DGKZ: variants seen among roughly 807,000 people sequenced by gnomAD.
The protein encoded by DGKZ is DAG kinase zeta.
Under a neutral mutation model 142.5 loss-of-function variants are expected in DGKZ, and 45 were observed. The observed-to-expected ratio is 0.32, with a 90% CI of 0.25 to 0.40. The LOEUF is 0.40. Among genes scored for constraint, DGKZ ranks in the 10% least tolerant of loss-of-function variants. The pLI, the probability that DGKZ is intolerant of heterozygous loss-of-function variation, is 1.00. For missense variants in DGKZ, 755 were observed against 1,306.5 expected (o/e 0.58, Z 6.51); for synonymous variants, 442 against 527.0 (o/e 0.84, Z 2.21).
intron 1 of DGKZ, chr11:46,366,967 C>G (rs1432051002): frequency 6.5e-7 from 1 of 1,532,106 alleles, no homozygotes; most frequent in African/African-American, 1.4e-5. Context: ...GACCCCAGGC[C>G]TGGAGCGCCC....
Position 46,379,247 on chromosome 11 carries a change from G to A in DGKZ, c.2573+11G>A. 1 of 1,613,074 alleles carries A rather than the reference G, an allele frequency of 6.2e-7. No individual in the cohort carries two copies. On this transcript the variant is annotated intron_variant, in intron 29 of 30. Transcript: ENST00000527911. ...TGCGGTGGAGGAAAAGTAAGTATCTGGGCAGTGCAGAACCGTGGTCACCCC... is the reference window on the plus strand; with the variant it reads ...TGCGGTGGAGGAAAAGTAAGTATCTAGGCAGTGCAGAACCGTGGTCACCCC...
In DGKZ at chr11:46,364,781, G is replaced by A. The variant is rs528090967; in HGVS notation, c.162-2510G>A. ...TCATCCTTCCTCCTGCCCAACATGC[G>A]TCCAGGGCATCACCCACCATGCCTA... On this transcript the variant is annotated intron_variant, in intron 1 of 30. Transcript: ENST00000527911. The A allele has an allele frequency of 4.2e-5, 41 of 985,412 alleles. No homozygotes were observed. In the East Asian group the frequency reaches 9.1e-4, roughly 22 times the overall value. 61.0% of individuals were successfully genotyped at this position (985,412 alleles called of 1,614,324 possible).
intron 16 of DGKZ, 22 bp downstream of exon 16, chr11:46,374,476 G>A (rs755081851): frequency 1.4e-5 from 23 of 1,613,850 alleles, no homozygotes; most frequent in East Asian, 6.7e-5. Context: ...CTGCACCCCC[G>A]CCTGTGCCCA....
chr11:46,370,320 G>A (rs1053781069), intron 6 of DGKZ, among the ~76,000 whole-genome samples: 2 of 152,372 alleles, frequency 1.3e-5, no homozygotes, highest in East Asian at 3.9e-4. Context: ...CTTGTGTGCC[G>A]AGCGCCAAGC....
rs748914085 is a variant in DGKZ, at chr11:46,374,387, G to A, written c.1406-12G>A. On this transcript the variant is annotated splice_polypyrimidine_tract_variant and intron_variant, in intron 15 of 30. Transcript: ENST00000527911. ...GGTGACTCACTGGCCCCCACTGCTT[G>A]TCTCCACCCAGAGGCCAACCCAGAG... is the stretch of plus-strand genomic sequence containing the variant. 3 of 1,614,010 alleles carry A rather than the reference G, an allele frequency of 1.9e-6. No individual in the cohort carries two copies. Among genetic ancestry groups the A allele is most frequent in the Non-Finnish European group, 1.7e-6 (2 of 1,180,022 alleles).
At chr11:46,375,829 G>A (rs778207302) in intron 20 of DGKZ, 22 bp from the exon 21 acceptor site, 112 of 1,550,142 alleles carry the variant, frequency 7.2e-5, no homozygotes, top group Non-Finnish European at 8.9e-5. Context: ...CTGAGCCCCC[G>A]CTTGCCGGCC....
At chr11:46,366,085 T>C in intron 1 of DGKZ, 1 of 985,382 alleles carries the variant, frequency 1.0e-6, no homozygotes, top group Non-Finnish European at 1.2e-6. Context: ...GACCCCTCCC[T>C]CCCTCAGGGG....
intron 25 of DGKZ, 28 bp from the exon 26 acceptor site, chr11:46,378,170 G>A (rs552561982): frequency 1.6e-5 from 26 of 1,605,206 alleles, no homozygotes; most frequent in South Asian, 3.3e-5. Flanking sequence ...TGCCGTAGCC[G>A]GTCACAGCAC....
At chr11:46,366,744 C>T in intron 1 of DGKZ, 1 of 1,551,914 alleles carries the variant, frequency 6.4e-7, no homozygotes, top group African/African-American at 1.4e-5. Flanking sequence ...CGCCGAGCCT[C>T]CTCCCACCTG....
At chr11:46,371,408 G>A (rs755511467) in intron 7 of DGKZ, 24 bp downstream of exon 7, 33 of 1,612,622 alleles carry the variant, frequency 2.0e-5, no homozygotes, top group South Asian at 2.2e-5. Context: ...CCGCCCCCAG[G>A]GCCAGGCCCT....
intron 1 of DGKZ, among the ~76,000 whole-genome samples, chr11:46,363,230 T>TGACCAGG (rs1318122844): frequency 7.9e-5 from 12 of 152,190 alleles, no homozygotes; most frequent in Admixed American, 2.0e-4. Flanking sequence ...AGGCTCTTGC[T>TGACCAGG]GACCAGGGAC....
chr11:46,379,363 A>G (rs1314720186), intron 29 of DGKZ, 106 bp from the exon 30 acceptor site: 12 of 1,563,240 alleles, frequency 7.7e-6, no homozygotes, highest in Middle Eastern at 3.4e-4. Flanking sequence ...GGCCACCCCT[A>G]TTGCCCCAGA....
upstream of DGKZ, among the ~76,000 whole-genome samples, chr11:46,347,192 A>G (rs1940715464): frequency 6.6e-6 from 1 of 152,114 alleles, no homozygotes. The surrounding 1 kb of genome is among the most constrained non-coding windows in gnomAD (Gnocchi z 6.4). Context: ...GGGGGAGGAA[A>G]GATGCGCGTC....
chr11:46,368,810 C>T (rs978546858), intron 4 of DGKZ: 19 of 164,934 alleles, frequency 1.2e-4, no homozygotes, highest in Admixed American at 1.8e-4. Flanking sequence ...ACCTAGGGTT[C>T]CACAAATTAG....
intron 1 of DGKZ, among the ~76,000 whole-genome samples, chr11:46,340,839 C>A (rs1940241120): frequency 6.6e-6 from 1 of 152,214 alleles, no homozygotes; most frequent in African/African-American, 2.4e-5. Flanking sequence ...AATGGGGAGG[C>A]ATGCACTTAA....
chr11:46,357,119 G>A (rs991468278), intron 1 of DGKZ, among the ~76,000 whole-genome samples: 2 of 152,142 alleles, frequency 1.3e-5, no homozygotes, highest in Non-Finnish European at 2.9e-5. Flanking sequence ...CATTTGTTGC[G>A]CAAACATCTC....
At position 46,367,260 on chromosome 11, in the gene DGKZ, G is replaced by C; in HGVS notation, c.162-31G>C. The C allele has an allele frequency of 6.3e-7, 1 of 1,583,734 alleles. No individual in the cohort carries two copies. The highest frequency in any genetic ancestry group is 8.6e-7 in the Non-Finnish European group (1 of 1,156,402). Reference sequence around the variant, plus strand: ...AGGAAGTAGGGTCAGCAAGTGCTCAGCCCCCTCCTCAGCTGTCTTCTCCTC... The same window carrying C: ...AGGAAGTAGGGTCAGCAAGTGCTCACCCCCCTCCTCAGCTGTCTTCTCCTC... On this transcript the variant is annotated intron_variant, in intron 1 of 30. Coordinates refer to ENST00000527911, the Ensembl canonical transcript of DGKZ. The surrounding 1 kb of genome is among the most constrained non-coding windows in gnomAD (Gnocchi z 4.1).
At position 46,367,829 on chromosome 11, in the gene DGKZ, C is replaced by T. The variant is rs1372595699; in HGVS notation, c.366+82C>T. ...TTCCGGGAACGTGGGATTGAGCCCG[C>T]TCCCTGGCACCCCTGCTGTGGGCCG... is the stretch of plus-strand genomic sequence containing the variant. On this transcript the variant is annotated intron_variant, in intron 3 of 30. Transcript: ENST00000527911. This position sits in a 1 kb window ranked among gnomAD's most constrained non-coding sequence, Gnocchi z 4.1. The T allele has an allele frequency of 3.2e-6, 5 of 1,570,686 alleles. No homozygotes were observed. The highest frequency in any genetic ancestry group is 1.4e-5 in the African/African-American group (1 of 74,020).
chr11:46,370,776 T>G (rs1267522306), intron 6 of DGKZ, among the ~76,000 whole-genome samples: 1 of 152,176 alleles, frequency 6.6e-6, no homozygotes, highest in Non-Finnish European at 1.5e-5. Flanking sequence ...TATACATATT[T>G]TTTTTTATTT....
Sources: allele counts gnomAD v4.1 joint callset (sites outside exome capture counted in the v4.1 genomes callset), GRCh38; gene constraint gnomAD v4.1.1; non-coding constraint Gnocchi (gnomAD v3.1); transcripts MANE v1.5; gene names NCBI Gene and HGNC (gene_info 2026-07-23, HGNC 2026-07-21).